Variants in CD96 observed in about 807,000 individuals in gnomAD.
CD96 encodes CD96 molecule.
In CD96, 70 loss-of-function variants were observed where a neutral mutation model predicts 71.3. The observed-to-expected ratio is 0.98, with a 90% CI of 0.81 to 1.20. CD96 has a LOEUF of 1.20. Ranked by LOEUF, CD96 falls within the 50% of genes most tolerant of loss-of-function variation. The pLI is 0.00. For synonymous variants in CD96, 248 were observed against 233.0 expected, an observed-to-expected ratio of 1.06 and a Z score of -0.59; for missense variants, 742 against 677.5, an observed-to-expected ratio of 1.10 and a Z score of -1.06.
chr3:111,636,756 C>T (rs1203239947), intron 10 of CD96, among the ~76,000 whole-genome samples: 1 of 152,274 alleles, frequency 6.6e-6, no homozygotes, highest in East Asian at 1.9e-4. Context: ...GTCAGCTGAC[C>T]CACAAGTACA....
At chr3:111,546,107 G>C (rs927378083) in intron 2 of CD96, among the ~76,000 whole-genome samples, 2 of 152,158 alleles carry the variant, frequency 1.3e-5, no homozygotes, top group African/African-American at 4.8e-5. Flanking sequence ...AGAAAAGAGA[G>C]AGTGGTAGTT....
chr3:111,665,334 C>T (rs1213059561), intron 14 of CD96, among the ~76,000 whole-genome samples: 3 of 152,046 alleles, frequency 2.0e-5, no homozygotes, highest in African/African-American at 7.2e-5. Context: ...TCAAAACTAC[C>T]CTATTTTTCC....
chr3:111,650,202 C>T lies in CD96; in HGVS notation c.*396C>T, dbSNP rs543716163. Reference sequence around the variant, plus strand: ...TCTATCAACATTGTAAACTCTTTGCCAAAATCCTGGGGCTTTGCTGCATTC... The same window carrying T: ...TCTATCAACATTGTAAACTCTTTGCTAAAATCCTGGGGCTTTGCTGCATTC... On this transcript the variant is annotated 3_prime_UTR_variant, in exon 14 of 14. Coordinates refer to ENST00000352690, the MANE Select transcript of CD96 (RefSeq NM_005816.5). The T allele has an allele frequency of 6.7e-5, 14 of 207,684 alleles. No individual in the cohort carries two copies. The highest frequency in any genetic ancestry group is 2.3e-4 in the African/African-American group (10 of 44,296). The allele number at this position is 207,684 out of a possible 1,614,324, so 12.9% of individuals were successfully genotyped here. A position where few individuals can be genotyped will look rare whatever the true frequency, so the allele number is the denominator to read the frequency against.
chr3:111,598,759 G>A (rs1442518424), intron 6 of CD96, among the ~76,000 whole-genome samples: 1 of 152,144 alleles, frequency 6.6e-6, no homozygotes, highest in Non-Finnish European at 1.5e-5. Context: ...TCCTGGAGGA[G>A]GAACACACAT....
intron 8 of CD96, among the ~76,000 whole-genome samples, chr3:111,611,094 T>A (rs75302070): frequency 6.6e-6 from 1 of 152,226 alleles, no homozygotes; most frequent in Non-Finnish European, 1.5e-5. Flanking sequence ...CCTATTGTTA[T>A]GTCTGCACAT....
chr3:111,658,136 T>C (rs1334668831), intron 14 of CD96, among the ~76,000 whole-genome samples: 5 of 152,158 alleles, frequency 3.3e-5, no homozygotes, highest in Admixed American at 2.0e-4. Context: ...AATACTTTGT[T>C]AGGTCAGAAA....
Position 111,637,258 on chromosome 3 carries a change from C to G in CD96, c.1384C>G (p.His462Asp). 1 of 1,537,354 alleles carries G rather than the reference C, an allele frequency of 6.5e-7. No homozygotes were observed. ...SSPSGAGSTL[H>D]DNVFTSTARA... The stretch of plus-strand genomic sequence containing the variant: ...CCCGTCAGGTGCAGGCTCAACACTT[C>G]ATGGTGAGTACTTGGGGAAGATTTA... The change falls in exon 11 of 14, where the codon CAT becomes GAT. Residue 462 changes from histidine (H) to aspartate (D), a missense_variant. Transcript: ENST00000352690.
At chr3:111,632,289 C>T (rs368027347) in intron 10 of CD96, among the ~76,000 whole-genome samples, 1 of 152,040 alleles carries the variant, frequency 6.6e-6, no homozygotes, top group Non-Finnish European at 1.5e-5. Flanking sequence ...AAACAAACAA[C>T]CCCATTAAAA....
At position 111,665,544 on chromosome 3, in the gene CD96, C is replaced by A. The variant is rs945680498; in HGVS notation, c.*70C>A. 7 of 152,240 alleles carry A rather than the reference C, an allele frequency of 4.6e-5. No homozygotes were observed. In the East Asian group the frequency reaches 1.3e-3, roughly 29 times the overall value. 9.4% of individuals were successfully genotyped at this position (152,240 alleles called of 1,614,324 possible). ...TACCCTAGGTATTGGCTGGGATCCACCAAAACTTCAATCAATTTTCCTTTC... is the reference window on the plus strand; with the variant it reads ...TACCCTAGGTATTGGCTGGGATCCAACAAAACTTCAATCAATTTTCCTTTC... On this transcript the variant is annotated 3_prime_UTR_variant and NMD_transcript_variant, in exon 15 of 15. Coordinates refer to the CD96 transcript ENST00000494798.
intron 4 of CD96, among the ~76,000 whole-genome samples, chr3:111,583,057 A>AATC (rs2107596128): frequency 6.6e-6 from 1 of 152,348 alleles, no homozygotes; most frequent in Non-Finnish European, 1.5e-5. Context: ...GAGCCTGTAA[A>AATC]ATCAAACGCA....
chr3:111,663,595 C>A (rs1246473005), intron 14 of CD96, among the ~76,000 whole-genome samples: 4 of 151,976 alleles, frequency 2.6e-5, no homozygotes, highest in Admixed American at 2.0e-4. Flanking sequence ...ATACAAGTGG[C>A]CAACAAACAT....
intron 2 of CD96, among the ~76,000 whole-genome samples, chr3:111,556,376 C>T (rs1195875024): frequency 8.7e-6 from 1 of 114,650 alleles, no homozygotes; most frequent in Non-Finnish European, 1.7e-5. Context: ...CACAACAGTC[C>T]CCAGAGTGTG....
intron 8 of CD96, among the ~76,000 whole-genome samples, chr3:111,610,511 T>C (rs552553780): frequency 5.2e-4 from 79 of 152,346 alleles, no homozygotes; most frequent in Admixed American, 9.8e-4. Context: ...TTTTCCTCGA[T>C]GAAAGGATAT....
At position 111,623,751 on chromosome 3, in the gene CD96, T is replaced by A. The variant is rs1474223251; in HGVS notation, c.1181-3T>A. 1.9e-6 allele frequency: 3 copies of A among 1,596,484 alleles called. No individual in the cohort carries two copies. On this transcript the variant is annotated splice_polypyrimidine_tract_variant and splice_region_variant and intron_variant, in intron 8 of 13. Transcript: ENST00000352690. ...TAATTTGGGAATTTTATTTTCAAAA[T>A]AGGATATCCAGCTACATCTTCAGTG...
At chr3:111,620,402 G>A (rs1463087122) in intron 8 of CD96, among the ~76,000 whole-genome samples, 1 of 152,206 alleles carries the variant, frequency 6.6e-6, no homozygotes, top group African/African-American at 2.4e-5. Flanking sequence ...TAGAGATCAG[G>A]TCATGGAATG....
At chr3:111,605,467 T>C (rs1937596921) in intron 7 of CD96, among the ~76,000 whole-genome samples, 2 of 152,262 alleles carry the variant, frequency 1.3e-5, no homozygotes, top group South Asian at 4.2e-4. Flanking sequence ...AAATTGGGAG[T>C]GTAATGACAG....
chr3:111,611,229 T>C lies in CD96; in HGVS notation c.1180+4437T>C, dbSNP rs138561225. ...TAAAACACTAGGTCCAGTCTGCCTCTAACCCTCAGCCAGCACCCCAGGTAG... is the reference window on the plus strand; with the variant it reads ...TAAAACACTAGGTCCAGTCTGCCTCCAACCCTCAGCCAGCACCCCAGGTAG... On this transcript the variant is annotated intron_variant, in intron 8 of 13. Coordinates refer to ENST00000352690, the MANE Select transcript of CD96 (RefSeq NM_005816.5). Among the ~76,000 whole-genome samples, 10 of 152,292 alleles carry C rather than the reference T, an allele frequency of 6.6e-5. No homozygotes were observed. In the East Asian group the frequency reaches 1.3e-3, roughly 21 times the overall value.
At chr3:111,602,410 G>T (rs190734640) in intron 7 of CD96, among the ~76,000 whole-genome samples, 1 of 152,026 alleles carries the variant, frequency 6.6e-6, no homozygotes, top group South Asian at 2.1e-4. Flanking sequence ...GGCAGAGCTT[G>T]ATCTAGTATA....
intron 5 of CD96, among the ~76,000 whole-genome samples, chr3:111,595,774 T>G (rs1937228229): frequency 6.6e-6 from 1 of 151,722 alleles, no homozygotes; most frequent in Non-Finnish European, 1.5e-5. Flanking sequence ...ATATTTAGAT[T>G]GAGAAGGAAA....
Sources: gnomAD v4.1 joint callset for allele counts (sites outside exome capture counted in the v4.1 genomes callset) on GRCh38, gnomAD v4.1.1 for gene constraint, MANE v1.5 for transcripts, NCBI Gene and HGNC (gene_info 2026-07-23, HGNC 2026-07-21) for gene names.